Variants in TENM4 observed in about 807,000 individuals in gnomAD.
TENM4 encodes teneurin transmembrane protein 4.
In TENM4, 82 loss-of-function variants were observed where a neutral mutation model predicts 243.3. The ratio of observed to expected loss-of-function variants is 0.34; its 90% confidence interval spans 0.28 to 0.40. TENM4 has a LOEUF of 0.40. TENM4 is among the 10% of genes least tolerant of loss of function. TENM4 has a pLI of 1.00. For synonymous variants in TENM4, 1,412 were observed against 1,456.3 expected (o/e 0.97, Z 0.69); for missense variants, 3,138 against 3,673.3 (o/e 0.85, Z 3.77).
chr11:79,246,275 A>G (rs1565266789), intron 2 of TENM4, among the ~76,000 whole-genome samples: 1 of 152,232 alleles, frequency 6.6e-6, no homozygotes, highest in Non-Finnish European at 1.5e-5. Flanking sequence ...CAGATTTTAT[A>G]GGTGAGGAAA....
chr11:78,735,547 G>A (rs1855766640), intron 20 of TENM4, among the ~76,000 whole-genome samples: 1 of 152,224 alleles, frequency 6.6e-6, no homozygotes, highest in African/African-American at 2.4e-5. Flanking sequence ...AGCAAGTAAT[G>A]AGCTGGGGCT....
At chr11:79,425,728 C>A (rs1031089098) in intron 1 of TENM4, among the ~76,000 whole-genome samples, 1 of 152,216 alleles carries the variant, frequency 6.6e-6, no homozygotes, top group African/African-American at 2.4e-5. Flanking sequence ...GGCCTTGGCT[C>A]CCATCCCTCT....
At chr11:79,122,742 C>T (rs760044163) in intron 4 of TENM4, among the ~76,000 whole-genome samples, 2 of 152,178 alleles carry the variant, frequency 1.3e-5, no homozygotes, top group African/African-American at 2.4e-5. Context: ...TGTCCACTGC[C>T]CACACAACTG....
At chr11:79,405,713 A>T (rs1207616286) in intron 1 of TENM4, among the ~76,000 whole-genome samples, 2 of 151,894 alleles carry the variant, frequency 1.3e-5, no homozygotes, top group Non-Finnish European at 2.9e-5. Context: ...GATATACAAT[A>T]TTTTGTCCAG....
chr11:79,340,691 T>C (rs1157328699), intron 1 of TENM4, among the ~76,000 whole-genome samples: 1 of 152,168 alleles, frequency 6.6e-6, no homozygotes, highest in South Asian at 2.1e-4. Context: ...TATGCCTTGG[T>C]GCTCTTGCTT....
intron 1 of TENM4, among the ~76,000 whole-genome samples, chr11:79,431,853 C>T (rs1378527322): frequency 6.6e-6 from 1 of 152,180 alleles, no homozygotes. Flanking sequence ...TCAGTAGTTG[C>T]CATGTGTCAG....
At position 78,730,182 on chromosome 11, in the gene TENM4, C is replaced by T. The variant is rs144471704; in HGVS notation, c.3139-539G>A. Among the ~76,000 whole-genome samples, 1,413 of 152,278 alleles carry T rather than the reference C, an allele frequency of 9.3e-3. 10 individuals carry two copies. The highest frequency in any genetic ancestry group is 0.014 in the Non-Finnish European group (924 of 68,028). On this transcript the variant is annotated intron_variant, in intron 21 of 33. Coordinates refer to ENST00000278550, the MANE Select transcript of TENM4 (RefSeq NM_001098816.3). ...ATAGGTAAAGTGCCTAGCACAGAAA[C>T]GCTGTCAGGTGGCATGCAGTGCTGC... is the stretch of plus-strand genomic sequence containing the variant.
At chr11:78,949,670 A>C (rs1354274756) in intron 6 of TENM4, among the ~76,000 whole-genome samples, 1 of 152,204 alleles carries the variant, frequency 6.6e-6, no homozygotes, top group African/African-American at 2.4e-5. Context: ...AGAGGGGCTC[A>C]AGAAGTAGGG....
At chr11:79,010,544 A>T (rs113330427) in intron 6 of TENM4, among the ~76,000 whole-genome samples, 3,482 of 152,252 alleles carry the variant, frequency 0.023, 129 homozygotes, top group African/African-American at 0.081. Flanking sequence ...ACAGTTCCAC[A>T]TGGCTGGGGA....
At chr11:79,084,554 A>G (rs1860758137) in intron 4 of TENM4, among the ~76,000 whole-genome samples, 1 of 152,240 alleles carries the variant, frequency 6.6e-6, no homozygotes, top group South Asian at 2.1e-4. Flanking sequence ...AACTAATGCT[A>G]CCAATAAATC....
At chr11:78,970,497 T>C (rs1857518854) in intron 6 of TENM4, among the ~76,000 whole-genome samples, 1 of 152,218 alleles carries the variant, frequency 6.6e-6, no homozygotes, top group African/African-American at 2.4e-5. Flanking sequence ...GGTCAATTAA[T>C]TACATGGCCA....
At chr11:78,917,243 C>A (rs542640043) in intron 6 of TENM4, among the ~76,000 whole-genome samples, 9 of 152,202 alleles carry the variant, frequency 5.9e-5, no homozygotes, top group African/African-American at 2.2e-4. Context: ...AACAGAGACT[C>A]CAAATGCAGA....
intron 1 of TENM4, among the ~76,000 whole-genome samples, chr11:79,343,001 C>G (rs1857266399): frequency 6.6e-6 from 1 of 152,232 alleles, no homozygotes; most frequent in African/African-American, 2.4e-5. Flanking sequence ...GGTGGCTGGA[C>G]TGACTCTCCA....
At chr11:78,857,040 C>T (rs2136210420) in intron 10 of TENM4, among the ~76,000 whole-genome samples, 1 of 152,190 alleles carries the variant, frequency 6.6e-6, no homozygotes, top group Admixed American at 6.5e-5. Flanking sequence ...GGCAGCTTAT[C>T]AAACTCCTTC....
chr11:78,816,907 C>T (rs1857615304), intron 12 of TENM4, among the ~76,000 whole-genome samples: 1 of 152,200 alleles, frequency 6.6e-6, no homozygotes, highest in African/African-American at 2.4e-5. Context: ...TTGGGATCTA[C>T]TCTTAGTACC....
chr11:79,387,634 C>T (rs1245831907), intron 1 of TENM4, among the ~76,000 whole-genome samples: 1 of 59,844 alleles, frequency 1.7e-5, no homozygotes, highest in Non-Finnish European at 4.0e-5. Flanking sequence ...CTTCCCTTCC[C>T]TTCCCTACCC....
chr11:78,903,866 G>T, intron 6 of TENM4: 3 of 568,536 alleles, frequency 5.3e-6, no homozygotes, highest in Non-Finnish European at 1.0e-5. Flanking sequence ...AGTGTGGCCA[G>T]GGACCAGCAG....
At chr11:79,098,024 A>G (rs1861126678) in intron 4 of TENM4, 1 of 152,182 alleles carries the variant, frequency 6.6e-6, no homozygotes, top group Non-Finnish European at 1.5e-5. Context: ...GGTTGAAGCC[A>G]AGGAAGGAAG....
At chr11:78,786,864 A>C in intron 16 of TENM4, 34 bp downstream of exon 16, 1 of 1,577,504 alleles carries the variant, frequency 6.3e-7, no homozygotes, top group South Asian at 1.2e-5. Context: ...CCTGCAGACC[A>C]GAGAAGGTAC....
Sources: gnomAD v4.1 joint callset for allele counts (sites outside exome capture counted in the v4.1 genomes callset) on GRCh38, gnomAD v4.1.1 for gene constraint, MANE v1.5 for transcripts, NCBI Gene and HGNC (gene_info 2026-07-23, HGNC 2026-07-21) for gene names.